Variants in CA10 observed in about 807,000 individuals in gnomAD.
CA10 encodes carbonic anhydrase-related protein 10.
In CA10, 14 loss-of-function variants were observed where a neutral mutation model predicts 44.2. That is an observed-to-expected ratio of 0.32 (90% CI 0.21 to 0.50). The LOEUF (loss-of-function observed/expected upper bound fraction) is 0.50, where lower values mean the gene tolerates loss of function less well. Ranked by LOEUF, CA10 falls within the 20% of genes least tolerant of loss-of-function variation. The pLI, the probability that CA10 is intolerant of heterozygous loss-of-function variation, is 0.99. For missense variants in CA10, 350 were observed against 409.7 expected (o/e 0.85, Z 1.26); for synonymous variants, 159 against 141.6 (o/e 1.12, Z -0.87).
At chr17:52,025,302 T>C (rs1340392626) in intron 2 of CA10, among the ~76,000 whole-genome samples, 2 of 152,088 alleles carry the variant, frequency 1.3e-5, no homozygotes, top group Non-Finnish European at 2.9e-5. Flanking sequence ...CCACCTGGGT[T>C]CTACTCCACT....
chr17:52,135,101 A>G (rs150187291), intron 1 of CA10: 168 of 407,636 alleles, frequency 4.1e-4, no homozygotes, highest in Middle Eastern at 1.1e-3. Context: ...TGGACCCTCT[A>G]TTGGCCAAGG....
At chr17:51,689,890 T>A (rs1482958081) in intron 4 of CA10, among the ~76,000 whole-genome samples, 1 of 152,246 alleles carries the variant, frequency 6.6e-6, no homozygotes, top group Non-Finnish European at 1.5e-5. Context: ...TCTGGCTAAT[T>A]AACATATGCA....
intron 4 of CA10, among the ~76,000 whole-genome samples, chr17:51,684,376 G>A (rs1160524008): frequency 1.3e-5 from 2 of 152,216 alleles, no homozygotes; most frequent in East Asian, 1.9e-4. Flanking sequence ...TTGTGGTAGT[G>A]TTAGAGTAGC....
chr17:51,898,930 G>A (rs61472158), intron 3 of CA10, among the ~76,000 whole-genome samples: 14,889 of 151,394 alleles, frequency 0.098, 909 homozygotes, highest in African/African-American at 0.18. Context: ...TGTTTATTTA[G>A]ATCTTCTTTT....
At chr17:51,929,812 A>G (rs540558984) in intron 3 of CA10, among the ~76,000 whole-genome samples, 2 of 152,318 alleles carry the variant, frequency 1.3e-5, no homozygotes, top group South Asian at 2.1e-4. Context: ...ATCGTTTTAT[A>G]TGGAATCAGA....
intron 2 of CA10, among the ~76,000 whole-genome samples, chr17:52,066,055 C>T (rs192515366): frequency 6.6e-6 from 1 of 152,196 alleles, no homozygotes; most frequent in Non-Finnish European, 1.5e-5. Context: ...GCCTCCCCAG[C>T]CATGCTGAAC....
Position 51,645,162 on chromosome 17 carries a change from C to T in CA10, c.634+4020G>A, listed in dbSNP as rs79752969. On this transcript the variant is annotated intron_variant, in intron 6 of 8. Transcript: ENST00000451037. ...ATCTCCCTGCCAATCCCCATCAGCC[C>T]GGTCATGGTCAGTGCCATCGTCTCA... Among the ~76,000 whole-genome samples the T allele has an allele frequency of 5.7e-3, 872 of 152,238 alleles. 8 individuals carry two copies. The highest frequency in any genetic ancestry group is 0.02 in the African/African-American group (841 of 41,526).
intron 1 of CA10, among the ~76,000 whole-genome samples, chr17:52,153,014 C>G (rs970300689): frequency 3.3e-4 from 50 of 152,076 alleles, no homozygotes; most frequent in Admixed American, 6.5e-5. Flanking sequence ...ACCTAGATCT[C>G]TTTTTGACCT....
chr17:52,134,421 CTGTCTT>C (rs1412468335), intron 1 of CA10, among the ~76,000 whole-genome samples: 1 of 152,132 alleles, frequency 6.6e-6, no homozygotes, highest in Non-Finnish European at 1.5e-5. Context: ...CACAAGCTTT[CTGTCTT>C]TAACTAAATT....
chr17:52,048,915 G>A (rs1986986131), intron 2 of CA10, among the ~76,000 whole-genome samples: 1 of 151,470 alleles, frequency 6.6e-6, no homozygotes, highest in Non-Finnish European at 1.5e-5. Context: ...GGATGCTGTT[G>A]TGCTTTGATT....
chr17:52,097,995 A>G (rs939874337), intron 1 of CA10, among the ~76,000 whole-genome samples: 2 of 152,132 alleles, frequency 1.3e-5, no homozygotes, highest in African/African-American at 4.8e-5. Flanking sequence ...AGGCCCCCCA[A>G]TATTTCTATA....
At chr17:51,720,978 A>G (rs931138144) in intron 4 of CA10, among the ~76,000 whole-genome samples, 5 of 152,206 alleles carry the variant, frequency 3.3e-5, no homozygotes, top group Non-Finnish European at 7.4e-5. Flanking sequence ...GTATGCCTAG[A>G]TCAAAACATC....
chr17:51,849,185 A>ATATATATATACATATATG (rs1978646933), intron 3 of CA10, among the ~76,000 whole-genome samples: 13 of 54,524 alleles, frequency 2.4e-4, no homozygotes, highest in East Asian at 2.0e-3. Flanking sequence ...ACATATATGT[A>ATATATATATACATATATG]TATATATATA....
chr17:51,913,728 C>A (rs1275458333), intron 3 of CA10, among the ~76,000 whole-genome samples: 1 of 152,024 alleles, frequency 6.6e-6, no homozygotes, highest in Non-Finnish European at 1.5e-5. Context: ...GAAGGGATGA[C>A]CCTGGGAGGC....
chr17:52,000,784 TC>T (rs35481914), intron 2 of CA10, among the ~76,000 whole-genome samples: 1 of 151,924 alleles, frequency 6.6e-6, no homozygotes, highest in African/African-American at 2.4e-5. Context: ...AATAATAGTA[TC>T]CCTTTTTTAT....
At chr17:51,933,206 G>C (rs530512524) in intron 2 of CA10, among the ~76,000 whole-genome samples, 20 of 152,236 alleles carry the variant, frequency 1.3e-4, no homozygotes, top group Middle Eastern at 3.4e-3. Context: ...TGCTATCTTA[G>C]ATGGTAAAGG....
At chr17:51,942,510 A>G (rs1983117697) in intron 2 of CA10, among the ~76,000 whole-genome samples, 1 of 149,678 alleles carries the variant, frequency 6.7e-6, no homozygotes, top group Non-Finnish European at 1.5e-5. Flanking sequence ...TACACTTCCT[A>G]TTAGCCAGGA....
chr17:51,900,988 A>G (rs1399924110), intron 3 of CA10, among the ~76,000 whole-genome samples: 2 of 151,982 alleles, frequency 1.3e-5, no homozygotes, highest in Non-Finnish European at 2.9e-5. Flanking sequence ...ATTCTTATCC[A>G]TATTCTGAAT....
At chr17:51,743,265 A>G (rs1171243211) in intron 4 of CA10, among the ~76,000 whole-genome samples, 1 of 152,240 alleles carries the variant, frequency 6.6e-6, no homozygotes, top group Non-Finnish European at 1.5e-5. Flanking sequence ...CTGCAATGGA[A>G]TCTAAGGCAT....
Sources: allele counts gnomAD v4.1 joint callset (sites outside exome capture counted in the v4.1 genomes callset), GRCh38; gene constraint gnomAD v4.1.1; transcripts MANE v1.5; gene names NCBI Gene and HGNC (gene_info 2026-07-23, HGNC 2026-07-21).